Variants in TXNRD1 observed in about 807,000 individuals in gnomAD.
TXNRD1 encodes thioredoxin reductase 1, also known as thioredoxin reductase 1, cytoplasmic.
In TXNRD1, 57 loss-of-function variants were observed where a neutral mutation model predicts 80.3. The ratio of observed to expected loss-of-function variants is 0.71; its 90% confidence interval spans 0.57 to 0.89. TXNRD1 has a LOEUF of 0.89. TXNRD1 is among the 40% of genes least tolerant of loss of function. The probability of loss-of-function intolerance (pLI) is 0.00; values close to 1 mark genes in which losing one functional copy is unlikely to be tolerated. For synonymous variants in TXNRD1, 291 were observed against 285.2 expected (o/e 1.02, Z -0.20); for missense variants, 730 against 803.0 (o/e 0.91, Z 1.10).
At chr12:104,287,292 C>T (rs760289517) in intron 3 of TXNRD1, 3 of 1,613,978 alleles carry the variant, frequency 1.9e-6, no homozygotes, top group African/African-American at 1.3e-5. Flanking sequence ...ACCCAGGCAG[C>T]TTCGTGGCGT....
At chr12:104,343,453 T>C (rs10735395) in intron 16 of TXNRD1, among the ~76,000 whole-genome samples, 137,993 of 152,228 alleles carry the variant, frequency 0.91, 62,808 homozygotes, top group African/African-American at 0.98. Context: ...CAATTCCTCT[T>C]AGTGAGACCT....
chr12:104,310,275 G>A (rs1374640448), intron 4 of TXNRD1, among the ~76,000 whole-genome samples: 1 of 151,660 alleles, frequency 6.6e-6, no homozygotes, highest in Non-Finnish European at 1.5e-5. Context: ...TCAGCCTCCG[G>A]AGTAGCTGAG....
At chr12:104,236,342 G>A (rs901880374) in intron 1 of TXNRD1, among the ~76,000 whole-genome samples, 5 of 152,092 alleles carry the variant, frequency 3.3e-5, no homozygotes, top group Non-Finnish European at 7.4e-5. Flanking sequence ...AAAATACCTT[G>A]TACACTTGCA....
intron 15 of TXNRD1, among the ~76,000 whole-genome samples, chr12:104,336,402 G>C (rs768309825): frequency 1.2e-4 from 18 of 152,162 alleles, no homozygotes; most frequent in Non-Finnish European, 2.4e-4. Context: ...CTGCTCTTTT[G>C]TCATGAGTAA....
In TXNRD1 at chr12:104,287,349, A is replaced by G. The variant is rs1031308843; in HGVS notation, c.305-1582A>G. On this transcript the variant is annotated intron_variant, in intron 3 of 16. Coordinates refer to ENST00000525566, the MANE Select transcript of TXNRD1 (RefSeq NM_001093771.3). ...ACAAAGCTTCAGCATGTCATGTGGT[A>G]GGTGAGGCCGGCGCCTGTAGGCTGG... 5.6e-6 allele frequency: 9 copies of G among 1,613,898 alleles called. No homozygotes were observed. In the African/African-American group the frequency reaches 1.2e-4, roughly 22 times the overall value.
intron 16 of TXNRD1, among the ~76,000 whole-genome samples, chr12:104,340,416 C>T (rs1426553549): frequency 1.3e-5 from 2 of 152,102 alleles, no homozygotes; most frequent in Non-Finnish European, 2.9e-5. Context: ...TAACAAAGTA[C>T]CACAAACTGG....
intron 3 of TXNRD1, among the ~76,000 whole-genome samples, chr12:104,274,238 A>T (rs775014318): frequency 3.9e-5 from 6 of 152,128 alleles, no homozygotes; most frequent in Non-Finnish European, 7.3e-5. Context: ...AGAAAGATCC[A>T]AGGCTCCTTC....
intron 13 of TXNRD1, among the ~76,000 whole-genome samples, chr12:104,330,217 CTTATT>C (rs2135860030): frequency 6.6e-6 from 1 of 152,238 alleles, no homozygotes; most frequent in Admixed American, 6.5e-5. Context: ...TTGTACTTCT[CTTATT>C]TTAAATGCAG....
chr12:104,246,754 T>A (rs1485539138), intron 1 of TXNRD1, among the ~76,000 whole-genome samples: 1 of 151,826 alleles, frequency 6.6e-6, no homozygotes, highest in Non-Finnish European at 1.5e-5. Context: ...ATCTCCTGAC[T>A]TTGTGATCCG....
rs994341132 is a variant in TXNRD1, at chr12:104,321,231, G to A, written c.1130G>A (p.Gly377Glu). Reference protein sequence around the residue: ...TVMVRSILLRGFDQDMANKIG... With the variant: ...TVMVRSILLREFDQDMANKIG... ...ATGGTTAGGTCCATTCTTCTTAGAG[G>A]ATTTGACCAGGACATGGCCAACAAA... Residue 377 changes from glycine (G) to glutamate (E), a missense_variant, in exon 10 of 17, where the codon GGA (glycine) becomes GAA (glutamate). By Grantham distance (98) the Gly-to-Glu change is moderately conservative. Coordinates refer to ENST00000525566, the MANE Select transcript of TXNRD1 (RefSeq NM_001093771.3). The A allele has an allele frequency of 3.1e-6, 5 of 1,613,788 alleles. No homozygotes were observed. In the African/African-American group the frequency reaches 5.3e-5, roughly 17 times the overall value.
At position 104,304,766 on chromosome 12, in the gene TXNRD1, GA is replaced by G. The variant is rs757509139; in HGVS notation, c.415-6523del. ...TTTTGCAAGAATAAGGCTTGATGAA[GA>G]CAGGCTGCCAATATTAGAGCCGATG... On this transcript the variant is annotated intron_variant, in intron 4 of 16. Transcript: ENST00000525566. 4 of 1,613,856 alleles carry G rather than the reference GA, an allele frequency of 2.5e-6. No homozygotes were observed. The African/African-American group carries it at 5.3e-5, about 22-fold the overall frequency.
chr12:104,289,958 A>G (rs2034121680), intron 4 of TXNRD1, among the ~76,000 whole-genome samples: 1 of 152,178 alleles, frequency 6.6e-6, no homozygotes, highest in Non-Finnish European at 1.5e-5. Context: ...GGCTGGGTGC[A>G]TGTTTAAGGG....
At chr12:104,344,737 C>G (rs1293176414) in intron 16 of TXNRD1, among the ~76,000 whole-genome samples, 1 of 152,184 alleles carries the variant, frequency 6.6e-6, no homozygotes, top group African/African-American at 2.4e-5. Context: ...TTCTCCCAAC[C>G]CTTACCAGCC....
At chr12:104,234,116 C>T (rs185469054) in intron 1 of TXNRD1, among the ~76,000 whole-genome samples, 241 of 152,078 alleles carry the variant, frequency 1.6e-3, no homozygotes, top group African/African-American at 5.5e-3. Flanking sequence ...AAACTGTCTT[C>T]GAGAAGGAAC....
At chr12:104,232,291 G>A (rs565908765) in intron 1 of TXNRD1, among the ~76,000 whole-genome samples, 10 of 152,146 alleles carry the variant, frequency 6.6e-5, no homozygotes, top group South Asian at 2.1e-4. Flanking sequence ...AGGCTGGCAC[G>A]GTGGCTCATG....
chr12:104,258,088 C>A lies in TXNRD1; in HGVS notation c.304+9C>A. 1 of 1,533,468 alleles carries A rather than the reference C, an allele frequency of 6.5e-7. No individual in the cohort carries two copies. The allele number at this position is 1,533,468 out of a possible 1,614,324, so 95.0% of individuals were successfully genotyped here. A position where few individuals can be genotyped will look rare whatever the true frequency, so the allele number is the denominator to read the frequency against. On this transcript the variant is annotated intron_variant, in intron 3 of 16. Transcript: ENST00000525566. The stretch of plus-strand genomic sequence containing the variant: ...TGAACTTGATCAAACAGGTAAGTTT[C>A]TGTTTAATATGTAAATCATAGCTGC...
At chr12:104,287,148 G>T in intron 3 of TXNRD1, 10 of 1,542,288 alleles carry the variant, frequency 6.5e-6, no homozygotes, top group Non-Finnish European at 8.7e-6. Flanking sequence ...AAAGCCGCGA[G>T]CCCAGGGATG....
At chr12:104,255,413 A>G (rs1203827294) in intron 2 of TXNRD1, among the ~76,000 whole-genome samples, 2 of 152,088 alleles carry the variant, frequency 1.3e-5, no homozygotes, top group Non-Finnish European at 2.9e-5. Context: ...AGCCTTGCCT[A>G]TATTTCCCCC....
chr12:104,313,630 T>G (rs190052761), intron 6 of TXNRD1, among the ~76,000 whole-genome samples: 204 of 152,356 alleles, frequency 1.3e-3, no homozygotes, highest in African/African-American at 4.7e-3. Context: ...ATATGTGGAT[T>G]TGTTTTAAAT....
Sources: gnomAD v4.1 joint callset for allele counts (sites outside exome capture counted in the v4.1 genomes callset) on GRCh38, gnomAD v4.1.1 for gene constraint, MANE v1.5 for transcripts, NCBI Gene and HGNC (gene_info 2026-07-23, HGNC 2026-07-21) for gene names.